Variants in SUGCT observed in about 807,000 individuals in gnomAD.
The protein encoded by SUGCT is succinyl-CoA:glutarate CoA-transferase.
A neutral mutation model predicts 55.0 loss-of-function variants in SUGCT; 41 were observed. The ratio of observed to expected loss-of-function variants is 0.74; its 90% CI spans 0.58 to 0.97. The LOEUF (loss-of-function observed/expected upper bound fraction) is 0.97, where lower values mean the gene tolerates loss of function less well. SUGCT is among the 50% of genes least tolerant of loss of function. The pLI, the probability that SUGCT is intolerant of heterozygous loss-of-function variation, is 0.00. For synonymous variants in SUGCT, 187 were observed against 200.4 expected (o/e 0.93, Z 0.56); for missense variants, 568 against 547.8 (o/e 1.04, Z -0.37).
intron 9 of SUGCT, among the ~76,000 whole-genome samples, chr7:40,417,577 C>A (rs1787071222): frequency 6.6e-6 from 1 of 151,658 alleles, no homozygotes. Context: ...TATGATTTTC[C>A]ATGTGTTGAA....
At chr7:40,294,079 C>T (rs1371142929) in intron 8 of SUGCT, among the ~76,000 whole-genome samples, 1 of 152,088 alleles carries the variant, frequency 6.6e-6, no homozygotes, top group Non-Finnish European at 1.5e-5. Context: ...TCCCTAGTAG[C>T]TGGGATTACA....
chr7:40,917,305 C>A, the SUGCT span, among the ~76,000 whole-genome samples: 3 of 152,208 alleles, frequency 2.0e-5, no homozygotes, highest in African/African-American at 7.2e-5. Flanking sequence ...GAAGAAGGAG[C>A]AGTTCTTGGT....
the SUGCT span, among the ~76,000 whole-genome samples, chr7:40,949,246 A>T: frequency 3.3e-4 from 51 of 152,312 alleles, no homozygotes; most frequent in Admixed American, 2.8e-3. Context: ...GGCTGCATAA[A>T]TGTCTTCTTT....
chr7:40,136,043 C>T (rs924025971), intron 1 of SUGCT, among the ~76,000 whole-genome samples: 2 of 150,568 alleles, frequency 1.3e-5, no homozygotes, highest in Admixed American at 6.6e-5. Context: ...GTCGCCCAGG[C>T]TGGAGTGCAG....
At chr7:40,398,740 A>G (rs1785893313) in intron 9 of SUGCT, among the ~76,000 whole-genome samples, 1 of 152,136 alleles carries the variant, frequency 6.6e-6, no homozygotes, top group South Asian at 2.1e-4. Flanking sequence ...CCACAGAGTA[A>G]TGAGAGTGAG....
At chr7:40,521,950 A>G (rs1300965412) in intron 12 of SUGCT, among the ~76,000 whole-genome samples, 4 of 152,052 alleles carry the variant, frequency 2.6e-5, no homozygotes, top group Non-Finnish European at 5.9e-5. Context: ...TCGGCTGGAT[A>G]TTTACTCTTC....
intron 13 of SUGCT, among the ~76,000 whole-genome samples, chr7:40,849,544 G>C (rs1563047055): frequency 6.6e-6 from 1 of 152,034 alleles, no homozygotes; most frequent in Non-Finnish European, 1.5e-5. Context: ...CCATGTTTTT[G>C]GCTACCTCTG....
chr7:40,912,409 A>G, the SUGCT span, among the ~76,000 whole-genome samples: 1 of 152,152 alleles, frequency 6.6e-6, no homozygotes, highest in African/African-American at 2.4e-5. Flanking sequence ...CAGGAACACA[A>G]CTCCCAATTA....
At chr7:40,873,103 T>C in the SUGCT span, among the ~76,000 whole-genome samples, 1 of 152,116 alleles carries the variant, frequency 6.6e-6, no homozygotes, top group Non-Finnish European at 1.5e-5. Context: ...ATATGGAGCT[T>C]TCAAGAGGTA....
At chr7:41,035,242 T>C in the SUGCT span, among the ~76,000 whole-genome samples, 1 of 152,162 alleles carries the variant, frequency 6.6e-6, no homozygotes, top group Non-Finnish European at 1.5e-5. Context: ...AACCAGGTGG[T>C]CTCCAGGAAT....
chr7:40,424,142 G>A (rs889416384), intron 9 of SUGCT, among the ~76,000 whole-genome samples: 1 of 152,034 alleles, frequency 6.6e-6, no homozygotes, highest in African/African-American at 2.4e-5. Context: ...AAAAACAGTC[G>A]AGTCCAAGAT....
intron 13 of SUGCT, among the ~76,000 whole-genome samples, chr7:40,824,416 A>C (rs1228516949): frequency 1.3e-5 from 2 of 152,042 alleles, no homozygotes; most frequent in African/African-American, 4.8e-5. Context: ...CATCAGGTAG[A>C]GAGACAGAGC....
chr7:40,309,785 A>G (rs1056082199), intron 8 of SUGCT, among the ~76,000 whole-genome samples: 1 of 63,360 alleles, frequency 1.6e-5, no homozygotes, highest in Non-Finnish European at 4.4e-5. Context: ...CAAAGCCCAC[A>G]CAGCGAGAGG....
intron 2 of SUGCT, 69 bp from the exon 3 acceptor site, chr7:40,181,886 G>T: frequency 2.0e-6 from 2 of 1,003,306 alleles, no homozygotes; most frequent in Admixed American, 2.2e-5. Context: ...TTGACGGGTT[G>T]TTGGAAAATA....
At chr7:40,740,977 A>G (rs557628101) in intron 12 of SUGCT, among the ~76,000 whole-genome samples, 1 of 152,260 alleles carries the variant, frequency 6.6e-6, no homozygotes, top group Non-Finnish European at 1.5e-5. Flanking sequence ...CAGAATATGT[A>G]AAAAACTCAT....
chr7:40,346,202 T>A (rs1259887437), intron 9 of SUGCT, among the ~76,000 whole-genome samples: 1 of 152,096 alleles, frequency 6.6e-6, no homozygotes, highest in Non-Finnish European at 1.5e-5. Context: ...AAATTATACG[T>A]CTATTTATTT....
chr7:40,401,557 T>C (rs1468007428), intron 9 of SUGCT, among the ~76,000 whole-genome samples: 1 of 152,144 alleles, frequency 6.6e-6, no homozygotes, highest in African/African-American at 2.4e-5. Flanking sequence ...TCAGGAAAGG[T>C]AGGTTAAGGA....
At chr7:40,376,386 CT>C (rs547056360) in intron 9 of SUGCT, among the ~76,000 whole-genome samples, 84 of 147,502 alleles carry the variant, frequency 5.7e-4, no homozygotes, top group East Asian at 4.5e-3. Flanking sequence ...TCTAATGTAT[CT>C]TTTTTTTTTC....
intron 1 of SUGCT, among the ~76,000 whole-genome samples, chr7:40,142,521 C>T (rs968013523): frequency 1.3e-5 from 2 of 152,182 alleles, no homozygotes; most frequent in African/African-American, 4.8e-5. Context: ...CCCATGGATG[C>T]ATGGTGTGAC....
Sources: allele counts gnomAD v4.1 joint callset (sites outside exome capture counted in the v4.1 genomes callset), GRCh38; gene constraint gnomAD v4.1.1; transcripts MANE v1.5; gene names NCBI Gene and HGNC (gene_info 2026-07-23, HGNC 2026-07-21).